The following LRRC39 variants were observed in gnomAD, a reference collection of about 807,000 sequenced individuals.
LRRC39 encodes leucine rich repeat containing 39, also known as leucine-rich repeat-containing protein 39.
LRRC39 carries 35 observed loss-of-function variants against 39.7 expected under a neutral mutation model. That is an observed-to-expected ratio of 0.88 (90% CI 0.67 to 1.17). LRRC39 has a LOEUF of 1.17. Among genes scored for constraint, LRRC39 ranks in the 50% most tolerant of loss-of-function variants. The pLI is 0.00. For synonymous variants in LRRC39, 113 were observed against 134.1 expected, an observed-to-expected ratio of 0.84 and a Z score of 1.09; for missense variants, 357 against 385.8, an observed-to-expected ratio of 0.93 and a Z score of 0.62.
At chr1:100,155,708 G>A (rs543551365) in intron 7 of LRRC39, among the ~76,000 whole-genome samples, 11 of 152,300 alleles carry the variant, frequency 7.2e-5, no homozygotes, top group African/African-American at 2.4e-4. Context: ...TGCATAATGC[G>A]TAACATCATG....
At chr1:100,158,423 T>C in intron 5 of LRRC39, 56 bp from the exon 6 acceptor site, 1 of 1,511,514 alleles carries the variant, frequency 6.6e-7, no homozygotes, top group Non-Finnish European at 9.0e-7. Flanking sequence ...TCTTTATAGT[T>C]ATTAAGGTAT....
intron 3 of LRRC39, among the ~76,000 whole-genome samples, chr1:100,166,878 A>G (rs1233992989): frequency 2.0e-5 from 3 of 152,126 alleles, no homozygotes; most frequent in African/African-American, 7.2e-5. Context: ...CTGCCATGTA[A>G]GATGTCCGTT....
intron 8 of LRRC39, among the ~76,000 whole-genome samples, chr1:100,153,856 A>G (rs1658250340): frequency 1.3e-5 from 2 of 152,104 alleles, no homozygotes; most frequent in African/African-American, 4.8e-5. Context: ...CCTGGGCTCA[A>G]GCGATCCTCC....
At chr1:100,160,438 GA>G (rs1557925547) in intron 4 of LRRC39, 27 bp downstream of exon 4, 5 of 1,584,804 alleles carry the variant, frequency 3.2e-6, no homozygotes, top group Admixed American at 3.4e-5. Flanking sequence ...GCAAAATGTG[GA>G]AAATCAAATA....
chr1:100,151,397 C>T (rs1271069655), intron 9 of LRRC39, among the ~76,000 whole-genome samples: 1 of 152,128 alleles, frequency 6.6e-6, no homozygotes, highest in African/African-American at 2.4e-5. Flanking sequence ...TGTCTTCCCC[C>T]AATCTGTCTC....
At chr1:100,161,950 T>G (rs1287993775) in intron 3 of LRRC39, among the ~76,000 whole-genome samples, 1 of 152,220 alleles carries the variant, frequency 6.6e-6, no homozygotes. Flanking sequence ...CCTGGCTATG[T>G]TTAACATTTT....
rs770256568 is a variant in LRRC39, at chr1:100,148,633, G to A, written c.*409C>T. On this transcript the variant is annotated 3_prime_UTR_variant, in exon 10 of 10. Transcript: ENST00000370137. ...GTGTTTATTCAATTTAGGCTTCTTA[G>A]TGTTGAAGAAAAGAAGAAAATAGGG... 43 of 1,606,574 alleles carry A rather than the reference G, an allele frequency of 2.7e-5. No homozygotes were observed. The highest frequency in any genetic ancestry group is 1.1e-4 in the South Asian group (10 of 88,636).
chr1:100,166,572 A>G (rs190596584), intron 3 of LRRC39, among the ~76,000 whole-genome samples: 1 of 152,314 alleles, frequency 6.6e-6, no homozygotes, highest in Non-Finnish European at 1.5e-5. Flanking sequence ...GGAACGTTGA[A>G]CTTGAAGAAG....
chr1:100,179,499 CAAAAAAA>C (rs60588308), upstream of LRRC39, among the ~76,000 whole-genome samples: 1,300 of 45,684 alleles, frequency 0.028, 39 homozygotes, highest in African/African-American at 0.099. Flanking sequence ...CTGTATCTAC[CAAAAAAA>C]AAAAAAAAAA....
At chr1:100,149,150 AATTTTGGAAATTT>A in intron 9 of LRRC39, 53 bp from the exon 10 acceptor site, 1 of 1,553,968 alleles carries the variant, frequency 6.4e-7, no homozygotes, top group East Asian at 2.3e-5. Flanking sequence ...TGTTTGTATT[AATTTTGGAAATTT>A]ATCTTCCTTT....
chr1:100,153,914 G>A (rs1262499807), intron 8 of LRRC39, among the ~76,000 whole-genome samples: 2 of 151,934 alleles, frequency 1.3e-5, no homozygotes, highest in Non-Finnish European at 2.9e-5. Flanking sequence ...CACCACTCCC[G>A]ACTAATATAT....
At chr1:100,150,875 C>T (rs1657929900) in intron 9 of LRRC39, among the ~76,000 whole-genome samples, 1 of 152,106 alleles carries the variant, frequency 6.6e-6, no homozygotes, top group Non-Finnish European at 1.5e-5. Flanking sequence ...CACCTGTAAT[C>T]CCAGCACTTT....
In LRRC39 at chr1:100,156,157, A is replaced by G; in HGVS notation, c.659+15T>C. On this transcript the variant is annotated intron_variant, in intron 7 of 9. Transcript: ENST00000370137. The stretch of plus-strand genomic sequence containing the variant: ...CAAGACTTTTATCATTAGCATAAAG[A>G]GTTATTTCTTTTACCTTTCTATAGT... The G allele has an allele frequency of 1.9e-6, 3 of 1,606,308 alleles. No individual in the cohort carries two copies. The highest frequency in any genetic ancestry group is 2.2e-5 in the South Asian group (2 of 89,526).
chr1:100,169,301 T>G (rs1443994179), intron 2 of LRRC39, among the ~76,000 whole-genome samples: 1 of 152,034 alleles, frequency 6.6e-6, no homozygotes, highest in Non-Finnish European at 1.5e-5. Context: ...TATTCAACAT[T>G]ATAGGAAAAC....
intron 9 of LRRC39, among the ~76,000 whole-genome samples, chr1:100,151,431 G>C (rs1337384589): frequency 6.6e-6 from 1 of 151,974 alleles, no homozygotes; most frequent in African/African-American, 2.4e-5. Flanking sequence ...CTATGACCTT[G>C]CTGCAATAAA....
chr1:100,158,591 C>T (rs1658644097), intron 5 of LRRC39, among the ~76,000 whole-genome samples: 1 of 152,128 alleles, frequency 6.6e-6, no homozygotes, highest in Non-Finnish European at 1.5e-5. Context: ...CGCCCGCCAC[C>T]GCGCCCAGGT....
upstream of LRRC39, chr1:100,178,368 A>C (rs2101805212): frequency 6.6e-6 from 1 of 151,686 alleles, no homozygotes; most frequent in East Asian, 1.9e-4. Context: ...TGTGGACTGC[A>C]AAATACGCTA....
chr1:100,164,549 G>A (rs1659108066), intron 3 of LRRC39, among the ~76,000 whole-genome samples: 1 of 152,110 alleles, frequency 6.6e-6, no homozygotes, highest in Non-Finnish European at 1.5e-5. Flanking sequence ...AAAAAGTAAG[G>A]ACATTTCTTT....
At chr1:100,150,397 C>A (rs1657868879) in intron 9 of LRRC39, 1 of 152,168 alleles carries the variant, frequency 6.6e-6, no homozygotes, top group African/African-American at 2.4e-5. Flanking sequence ...AAATAATTAA[C>A]CTTTTTTTAT....
Sources: gnomAD v4.1 joint callset for allele counts (sites outside exome capture counted in the v4.1 genomes callset) on GRCh38, gnomAD v4.1.1 for gene constraint, MANE v1.5 for transcripts, NCBI Gene and HGNC (gene_info 2026-07-23, HGNC 2026-07-21) for gene names.